ST6GALNAC5: variants seen among roughly 807,000 people sequenced by gnomAD.
The protein encoded by ST6GALNAC5 is ST6 N-acetylgalactosaminide alpha-2,6-sialyltransferase 5.
In ST6GALNAC5, 27 loss-of-function variants were observed where a neutral mutation model predicts 33.6. The observed-to-expected ratio is 0.80, with a 90% CI of 0.59 to 1.11. ST6GALNAC5 has a LOEUF of 1.11. ST6GALNAC5 is among the 50% of genes least tolerant of loss of function. The probability of loss-of-function intolerance (pLI) is 0.00; values close to 1 mark genes in which losing one functional copy is unlikely to be tolerated. For missense variants in ST6GALNAC5, 428 were observed against 454.0 expected, an observed-to-expected ratio of 0.94 and a Z score of 0.52; for synonymous variants, 194 against 171.2, an observed-to-expected ratio of 1.13 and a Z score of -1.04.
rs189967818 is a variant in ST6GALNAC5 at position 76,990,697 on chromosome 1, G to A, written c.262-53507G>A. 4.7e-4 allele frequency among the ~76,000 whole-genome samples: 72 copies of A among 152,170 alleles called. 1 individual carries two copies. The highest frequency in any genetic ancestry group is 4.4e-3 in the Admixed American group (67 of 15,282). On this transcript the variant is annotated intron_variant, in intron 2 of 4. Transcript: ENST00000477717. The stretch of plus-strand genomic sequence containing the variant: ...GAAAAATGGATCACTGACAAATAAC[G>A]AATTATTGTATGAATTAACCTCTTG...
At chr1:77,006,315 C>A (rs1013114803) in intron 2 of ST6GALNAC5, among the ~76,000 whole-genome samples, 1 of 143,414 alleles carries the variant, frequency 7.0e-6, no homozygotes, top group South Asian at 2.3e-4. Context: ...CCACTACACC[C>A]GGCTAATTTT....
intron 2 of ST6GALNAC5, among the ~76,000 whole-genome samples, chr1:77,017,650 C>T (rs1015600677): frequency 1.3e-5 from 2 of 152,084 alleles, no homozygotes; most frequent in African/African-American, 4.8e-5. Flanking sequence ...GCTGTTGACA[C>T]GTTACTAATA....
In ST6GALNAC5 at chr1:76,868,451, G is replaced by A; in HGVS notation, c.16-46G>A. 1 of 1,566,170 alleles carries A rather than the reference G, an allele frequency of 6.4e-7. No individual in the cohort carries two copies. Among genetic ancestry groups the A allele is most frequent in the Admixed American group, 1.8e-5 (1 of 56,242 alleles). ...TCCCCGCTGGGCGCGCTCCTCCGGT[G>A]TCTGCGCTCAGCCGCTCTCCTCTTC... is the stretch of plus-strand genomic sequence containing the variant. On this transcript the variant is annotated intron_variant, in intron 1 of 4. Transcript: ENST00000477717. This position sits in a 1 kb window ranked among gnomAD's most constrained non-coding sequence, Gnocchi z 4.3.
chr1:77,042,017 T>C (rs978156988), intron 2 of ST6GALNAC5, among the ~76,000 whole-genome samples: 4 of 152,226 alleles, frequency 2.6e-5, no homozygotes, highest in Non-Finnish European at 5.9e-5. Context: ...CCTTTGTCTC[T>C]GCAGTCAGGT....
intron 2 of ST6GALNAC5, among the ~76,000 whole-genome samples, chr1:76,943,126 AC>A (rs565944994): frequency 3.1e-4 from 47 of 152,080 alleles, no homozygotes; most frequent in African/African-American, 1.1e-3. Context: ...ATGTAAATTC[AC>A]CCTCCACTGC....
chr1:77,017,474 G>C (rs111644603), intron 2 of ST6GALNAC5, among the ~76,000 whole-genome samples: 8 of 152,270 alleles, frequency 5.3e-5, no homozygotes, highest in Admixed American at 3.9e-4. Context: ...CGGGAGCATG[G>C]CCTCTCTGCA....
intron 4 of ST6GALNAC5, among the ~76,000 whole-genome samples, chr1:77,055,863 T>A (rs1652381296): frequency 6.6e-6 from 1 of 152,250 alleles, no homozygotes. Context: ...GAGTGTATCT[T>A]CAGTACAGAT....
intron 2 of ST6GALNAC5, among the ~76,000 whole-genome samples, chr1:77,033,835 C>G (rs1651552098): frequency 6.6e-6 from 1 of 152,056 alleles, no homozygotes; most frequent in African/African-American, 2.4e-5. Flanking sequence ...GAGTGAGGGC[C>G]ATGAGGCAGA....
intron 2 of ST6GALNAC5, among the ~76,000 whole-genome samples, chr1:76,967,465 T>G (rs1317783494): frequency 2.6e-5 from 4 of 152,224 alleles, no homozygotes; most frequent in Non-Finnish European, 5.9e-5. Flanking sequence ...ATCTATTTGA[T>G]TCTTCTCTCT....
At chr1:76,895,322 T>A (rs2100256050) in intron 2 of ST6GALNAC5, among the ~76,000 whole-genome samples, 1 of 152,148 alleles carries the variant, frequency 6.6e-6, no homozygotes, top group South Asian at 2.1e-4. Context: ...GAATGGGCGA[T>A]GTTTCTCAGG....
intron 2 of ST6GALNAC5, among the ~76,000 whole-genome samples, chr1:76,958,428 TAA>T (rs752401341): frequency 2.0e-5 from 3 of 152,208 alleles, no homozygotes; most frequent in Non-Finnish European, 4.4e-5. Context: ...TCTCATTTTC[TAA>T]AGTTTTATAT....
intron 3 of ST6GALNAC5, 65 bp from the exon 4 acceptor site, chr1:77,050,189 GAATT>G: frequency 7.6e-7 from 1 of 1,320,740 alleles, no homozygotes; most frequent in Non-Finnish European, 1.1e-6. Context: ...CTCTAGGAAA[GAATT>G]AAAGATGGTA....
At chr1:76,902,235 GA>G (rs1188951429) in intron 2 of ST6GALNAC5, among the ~76,000 whole-genome samples, 19 of 151,976 alleles carry the variant, frequency 1.3e-4, no homozygotes, top group African/African-American at 4.6e-4. Context: ...TGAAATAAAT[GA>G]TCTGAAAATG....
At chr1:76,893,098 T>C (rs1654048516) in intron 2 of ST6GALNAC5, among the ~76,000 whole-genome samples, 1 of 152,122 alleles carries the variant, frequency 6.6e-6, no homozygotes, top group East Asian at 1.9e-4. Flanking sequence ...TTGGCAGGCA[T>C]AAGGAGTAGC....
At chr1:76,912,512 G>A (rs1336868421) in intron 2 of ST6GALNAC5, among the ~76,000 whole-genome samples, 13 of 151,680 alleles carry the variant, frequency 8.6e-5, no homozygotes, top group Non-Finnish European at 1.8e-4. Flanking sequence ...TCTGTCTAAT[G>A]TTACAGTGGG....
intron 2 of ST6GALNAC5, among the ~76,000 whole-genome samples, chr1:77,039,887 G>A (rs1396488281): frequency 7.2e-5 from 11 of 152,184 alleles, no homozygotes; most frequent in African/African-American, 2.4e-4. Flanking sequence ...CTCCCAGGCC[G>A]ACGGGCAGAG....
chr1:76,892,315 T>C (rs948085530), intron 2 of ST6GALNAC5, among the ~76,000 whole-genome samples: 1 of 152,232 alleles, frequency 6.6e-6, no homozygotes, highest in Non-Finnish European at 1.5e-5. Flanking sequence ...GGTTGCATTT[T>C]GCAATAAGCA....
At chr1:76,917,939 G>C (rs1646992011) in intron 2 of ST6GALNAC5, among the ~76,000 whole-genome samples, 2 of 152,086 alleles carry the variant, frequency 1.3e-5, no homozygotes, top group South Asian at 4.1e-4. Context: ...TCAACTGATT[G>C]GATGGGGCCC....
intron 4 of ST6GALNAC5, among the ~76,000 whole-genome samples, chr1:77,058,922 C>T (rs987852032): frequency 1.3e-5 from 2 of 152,182 alleles, no homozygotes; most frequent in Admixed American, 6.5e-5. Flanking sequence ...TAAAGGAGAT[C>T]ACATCAGTTA....
Sources: gnomAD v4.1 joint callset for allele counts (sites outside exome capture counted in the v4.1 genomes callset) on GRCh38, gnomAD v4.1.1 for gene constraint, Gnocchi (gnomAD v3.1) non-coding constraint, MANE v1.5 for transcripts, NCBI Gene and HGNC (gene_info 2026-07-23, HGNC 2026-07-21) for gene names.